The following GRAMD1B variants were observed in gnomAD, a reference collection of about 807,000 sequenced individuals.
GRAMD1B encodes GRAM domain containing 1B.
A neutral mutation model predicts 99.7 loss-of-function variants in GRAMD1B; 37 were observed. That is an observed-to-expected ratio of 0.37 (90% CI 0.29 to 0.49). GRAMD1B has a LOEUF of 0.49. Among genes scored for constraint, GRAMD1B ranks in the 20% least tolerant of loss-of-function variants. The pLI is 0.98. For synonymous variants in GRAMD1B, 427 were observed against 387.6 expected, an observed-to-expected ratio of 1.10 and a Z score of -1.19; for missense variants, 888 against 1,009.2, an observed-to-expected ratio of 0.88 and a Z score of 1.63.
chr11:123,535,561 G>A (rs1263703767), intron 2 of GRAMD1B, among the ~76,000 whole-genome samples: 1 of 152,152 alleles, frequency 6.6e-6, no homozygotes, highest in Admixed American at 6.5e-5. Flanking sequence ...ATCAGTAGGT[G>A]ATGCAGTAGA....
intron 11 of GRAMD1B, chr11:123,608,255 A>C: frequency 1.9e-6 from 1 of 529,434 alleles, no homozygotes; most frequent in Non-Finnish European, 3.4e-6. Flanking sequence ...GGTTACAACT[A>C]CAATTTGTTG....
chr11:123,440,339 C>T (rs1201544873), intron 1 of GRAMD1B, among the ~76,000 whole-genome samples: 5 of 152,028 alleles, frequency 3.3e-5, no homozygotes, highest in African/African-American at 4.8e-5. Flanking sequence ...GGTGAAACCC[C>T]GTCTCTACTA....
At chr11:123,538,810 G>T (rs758382024) in intron 2 of GRAMD1B, among the ~76,000 whole-genome samples, 2 of 151,856 alleles carry the variant, frequency 1.3e-5, no homozygotes, top group South Asian at 2.1e-4. Flanking sequence ...TTTTAGTAGA[G>T]ACAGGGTTTC....
At chr11:123,469,565 A>G (rs1950882292) in intron 1 of GRAMD1B, among the ~76,000 whole-genome samples, 1 of 152,116 alleles carries the variant, frequency 6.6e-6, no homozygotes, top group Admixed American at 6.6e-5. Flanking sequence ...GAGAGGAGAA[A>G]AAGATGGTGA....
At chr11:123,396,085 C>T (rs953320022) in intron 1 of GRAMD1B, among the ~76,000 whole-genome samples, 1 of 152,070 alleles carries the variant, frequency 6.6e-6, no homozygotes. Context: ...GAGGAAAGTT[C>T]CTTTCCCCCT....
At chr11:123,589,545 G>A (rs980899840) in intron 4 of GRAMD1B, among the ~76,000 whole-genome samples, 2 of 151,152 alleles carry the variant, frequency 1.3e-5, no homozygotes, top group Non-Finnish European at 2.9e-5. Context: ...TGAGGTTCGA[G>A]CAATTCTCCT....
At chr11:123,472,781 C>T (rs1467694085) in intron 1 of GRAMD1B, among the ~76,000 whole-genome samples, 1 of 152,166 alleles carries the variant, frequency 6.6e-6, no homozygotes, top group Non-Finnish European at 1.5e-5. Context: ...ATGGGCTTTC[C>T]ACTTGGCTGG....
chr11:123,513,656 T>TTTCTTAC (rs1565316172), intron 2 of GRAMD1B, among the ~76,000 whole-genome samples: 54 of 146,882 alleles, frequency 3.7e-4, no homozygotes, highest in Admixed American at 8.4e-4. Flanking sequence ...TTCTTACCTT[T>TTTCTTAC]CTTTCTTTCT....
chr11:123,423,657 T>C (rs1948539240), intron 1 of GRAMD1B, among the ~76,000 whole-genome samples: 3 of 152,214 alleles, frequency 2.0e-5, no homozygotes, highest in African/African-American at 4.8e-5. Context: ...TGGAATTATC[T>C]CTGTCTTTCT....
At chr11:123,361,096 G>A (rs960123661) in intron 1 of GRAMD1B, among the ~76,000 whole-genome samples, 1 of 152,106 alleles carries the variant, frequency 6.6e-6, no homozygotes, top group African/African-American at 2.4e-5. Context: ...GATTACAGGC[G>A]TGAGCCACTG....
In GRAMD1B at chr11:123,622,655, A is replaced by G. The variant is rs1565483601; in HGVS notation, c.*60A>G. 2 of 427,044 alleles carry G rather than the reference A, an allele frequency of 4.7e-6. No individual in the cohort carries two copies. Among genetic ancestry groups the G allele is most frequent in the African/African-American group, 2.1e-5 (1 of 47,482 alleles). The allele number at this position is 427,044 out of a possible 1,614,324, so 26.5% of individuals were successfully genotyped here. On this transcript the variant is annotated 3_prime_UTR_variant, in exon 20 of 20. Coordinates refer to ENST00000635736, the MANE Select transcript of GRAMD1B (RefSeq NM_001387025.1). ...GCAATACATGTACATAGACCATATA[A>G]ATATATATATATAAATATATATATA...
At chr11:123,534,547 A>G (rs1943749460) in intron 2 of GRAMD1B, among the ~76,000 whole-genome samples, 5 of 152,108 alleles carry the variant, frequency 3.3e-5, no homozygotes, top group African/African-American at 1.2e-4. Flanking sequence ...TCCTTGGAGA[A>G]TGGAGTCCAC....
intron 2 of GRAMD1B, among the ~76,000 whole-genome samples, chr11:123,507,745 C>A (rs1020524608): frequency 5.3e-5 from 8 of 152,058 alleles, no homozygotes; most frequent in African/African-American, 1.9e-4. Context: ...TTTAATAATG[C>A]ATTTTTTATA....
At chr11:123,488,964 C>G (rs540603951) in intron 2 of GRAMD1B, among the ~76,000 whole-genome samples, 65 of 152,156 alleles carry the variant, frequency 4.3e-4, no homozygotes, top group Non-Finnish European at 6.8e-4. Flanking sequence ...TGCGTACCCC[C>G]TTAAGGTTGA....
intron 2 of GRAMD1B, among the ~76,000 whole-genome samples, chr11:123,532,813 T>C (rs1943535987): frequency 6.6e-6 from 1 of 152,242 alleles, no homozygotes; most frequent in South Asian, 2.1e-4. Context: ...AATTTGTTTA[T>C]ATGTTACCAA....
intron 2 of GRAMD1B, among the ~76,000 whole-genome samples, chr11:123,533,491 A>G (rs1317363002): frequency 2.0e-5 from 3 of 151,962 alleles, no homozygotes. Context: ...CAATGGGGCA[A>G]TCTCAGCTCA....
intron 1 of GRAMD1B, among the ~76,000 whole-genome samples, chr11:123,374,617 C>G (rs1389274031): frequency 6.6e-6 from 1 of 152,204 alleles, no homozygotes; most frequent in Non-Finnish European, 1.5e-5. Flanking sequence ...ATAACAGCCT[C>G]CTAGTGTACT....
chr11:123,428,058 C>A (rs543456723), upstream of GRAMD1B, among the ~76,000 whole-genome samples: 3 of 152,298 alleles, frequency 2.0e-5, no homozygotes, highest in East Asian at 5.8e-4. Flanking sequence ...CTTCTGGCCC[C>A]TGTCTTGTGG....
chr11:123,501,161 GTTTATTTTTAT>G (rs1555045689), intron 2 of GRAMD1B, among the ~76,000 whole-genome samples: 11 of 151,740 alleles, frequency 7.2e-5, no homozygotes, highest in Non-Finnish European at 1.3e-4. Context: ...TTTTTTGTTT[GTTTATTTTTAT>G]TTTATTTTTA....
Sources: gnomAD v4.1 joint callset for allele counts (sites outside exome capture counted in the v4.1 genomes callset) on GRCh38, gnomAD v4.1.1 for gene constraint, MANE v1.5 for transcripts, NCBI Gene and HGNC (gene_info 2026-07-23, HGNC 2026-07-21) for gene names.